The following TSGA10 variants were observed in gnomAD, a reference collection of about 807,000 sequenced individuals.
The protein encoded by TSGA10 is testis specific 10, also known as testis-specific gene 10 protein.
TSGA10 carries 43 observed loss-of-function variants against 96.6 expected under a neutral mutation model. That is an observed-to-expected ratio of 0.44 (90% CI 0.35 to 0.57). TSGA10 has a LOEUF of 0.57. Ranked by LOEUF, TSGA10 falls within the 20% of genes least tolerant of loss-of-function variation. The pLI is 0.01. For missense variants in TSGA10, 703 were observed against 834.4 expected, an observed-to-expected ratio of 0.84 and a Z score of 1.94; for synonymous variants, 229 against 269.9, an observed-to-expected ratio of 0.85 and a Z score of 1.48.
intron 16 of TSGA10, among the ~76,000 whole-genome samples, chr2:99,044,896 A>G (rs1029970115): frequency 2.0e-5 from 3 of 152,208 alleles, no homozygotes; most frequent in Admixed American, 2.0e-4. Context: ...CCGCACAACT[A>G]CATGGAAACT....
intron 17 of TSGA10, among the ~76,000 whole-genome samples, chr2:99,020,893 A>C: frequency 6.6e-6 from 1 of 150,966 alleles, no homozygotes; most frequent in South Asian, 2.1e-4. Context: ...AATCTCTTAT[A>C]TTCTTATATA....
chr2:99,018,687 G>T, intron 18 of TSGA10, 47 bp from the exon 19 acceptor site: 2 of 1,502,928 alleles, frequency 1.3e-6, no homozygotes, highest in South Asian at 1.2e-5. Flanking sequence ...CTTAAAATAT[G>T]GCTATGATTC....
chr2:99,095,827 G>A (rs1372608497), intron 10 of TSGA10, among the ~76,000 whole-genome samples: 1 of 152,214 alleles, frequency 6.6e-6, no homozygotes, highest in African/African-American at 2.4e-5. Flanking sequence ...TTTTAGTAGA[G>A]ACGGAGTTTC....
chr2:99,000,549 C>A (rs1049804667), intron 20 of TSGA10, among the ~76,000 whole-genome samples: 1 of 150,844 alleles, frequency 6.6e-6, no homozygotes, highest in Non-Finnish European at 1.5e-5. Flanking sequence ...CCAAGATGGT[C>A]GAATAGGAAG....
At chr2:99,047,436 A>G (rs913463482) in intron 16 of TSGA10, among the ~76,000 whole-genome samples, 2 of 152,222 alleles carry the variant, frequency 1.3e-5, no homozygotes, top group African/African-American at 4.8e-5. Flanking sequence ...AAATCAATAA[A>G]TGTAATCCAT....
chr2:99,141,031 T>A (rs1231493867), intron 1 of TSGA10: 27 of 1,213,498 alleles, frequency 2.2e-5, no homozygotes, highest in Non-Finnish European at 2.9e-5. Context: ...TCAGAGACCT[T>A]CCAGTCCAGT....
intron 1 of TSGA10, among the ~76,000 whole-genome samples, chr2:99,145,350 G>T (rs1019375272): frequency 2.6e-5 from 4 of 152,092 alleles, no homozygotes; most frequent in African/African-American, 9.7e-5. Context: ...TTGAGGTCAG[G>T]AGTTCAAGAC....
chr2:99,129,193 GATC>G (rs1385044094), intron 1 of TSGA10, among the ~76,000 whole-genome samples: 2 of 152,058 alleles, frequency 1.3e-5, no homozygotes, highest in African/African-American at 4.8e-5. Context: ...ACTGCATAAT[GATC>G]ATCTCTTAAT....
intron 10 of TSGA10, among the ~76,000 whole-genome samples, chr2:99,091,314 C>T (rs1287599558): frequency 6.6e-6 from 1 of 152,122 alleles, no homozygotes; most frequent in East Asian, 1.9e-4. Flanking sequence ...CAAACAGAAC[C>T]TCCTTAAAGC....
intron 4 of TSGA10, among the ~76,000 whole-genome samples, chr2:99,115,301 T>TA: frequency 6.6e-6 from 1 of 152,040 alleles, no homozygotes; most frequent in East Asian, 1.9e-4. Context: ...AATGTTACTT[T>TA]AAAAAAAGTA....
At chr2:99,073,166 T>G (rs1334423140) in intron 12 of TSGA10, 93 bp from the exon 13 acceptor site, 1 of 813,908 alleles carries the variant, frequency 1.2e-6, no homozygotes, top group Non-Finnish European at 2.0e-6. Context: ...CCTTTCCCTT[T>G]AGGTTTCCAT....
At chr2:99,044,138 A>G (rs1207651411) in intron 16 of TSGA10, among the ~76,000 whole-genome samples, 1 of 152,178 alleles carries the variant, frequency 6.6e-6, no homozygotes, top group African/African-American at 2.4e-5. Flanking sequence ...CAAAATAACC[A>G]GGTAGCATCA....
Position 99,066,533 on chromosome 2 carries a change from T to C in TSGA10, c.1219-1409A>G, listed in dbSNP as rs142130621. Among the ~76,000 whole-genome samples the C allele has an allele frequency of 7.3e-3, 1,117 of 152,276 alleles. 4 individuals are homozygous for C. The highest frequency in any genetic ancestry group is 0.018 in the Admixed American group (275 of 15,298). On this transcript the variant is annotated intron_variant, in intron 15 of 20. Transcript: ENST00000393483. ...CCTCCCTGATAACACCTTGTATTTC[T>C]CTAAAGCAGGAACCATTTTTATATT...
At chr2:99,005,276 TGGA>T (rs1023796978) in intron 20 of TSGA10, among the ~76,000 whole-genome samples, 1 of 152,212 alleles carries the variant, frequency 6.6e-6, no homozygotes, top group African/African-American at 2.4e-5. Flanking sequence ...AACATTCTGT[TGGA>T]AGTGCTGACC....
chr2:99,077,144 T>C (rs1574100498), intron 12 of TSGA10, among the ~76,000 whole-genome samples: 1 of 126,002 alleles, frequency 7.9e-6, no homozygotes, highest in African/African-American at 3.0e-5. Context: ...TTTTTTTTTT[T>C]TTTTTTTTTT....
chr2:99,142,461 A>G (rs758263414), intron 1 of TSGA10: 1 of 152,254 alleles, frequency 6.6e-6, no homozygotes, highest in Non-Finnish European at 1.5e-5. Flanking sequence ...ACTTTTGTGT[A>G]GAACAAATTT....
At chr2:99,008,839 A>G (rs2078735149) in intron 20 of TSGA10, among the ~76,000 whole-genome samples, 1 of 152,186 alleles carries the variant, frequency 6.6e-6, no homozygotes. Flanking sequence ...GTGCACCTGA[A>G]AAAAAGGACT....
rs1391512922 is a variant in TSGA10 at position 99,095,890 on chromosome 2, C to T, written c.611+8077G>A. Among the ~76,000 whole-genome samples, 7 of 152,284 alleles carry T rather than the reference C, an allele frequency of 4.6e-5. No homozygotes were observed. In the East Asian group the frequency reaches 7.7e-4, roughly 17 times the overall value. On this transcript the variant is annotated intron_variant, in intron 10 of 20. Coordinates refer to ENST00000393483, the MANE Select transcript of TSGA10 (RefSeq NM_025244.4). ...TCCTGACCTCGTGATTCACCAGCCTCGGCCTCCCAAAGTGCTGGGATTACA... is the reference window on the plus strand; with the variant it reads ...TCCTGACCTCGTGATTCACCAGCCTTGGCCTCCCAAAGTGCTGGGATTACA...
At position 99,081,376 on chromosome 2, in the gene TSGA10, TTC is replaced by T. The variant is rs2087474473; in HGVS notation, c.631_632del (p.Glu211LysfsTer5). The T allele has an allele frequency of 1.3e-6, 2 of 1,571,762 alleles. No individual in the cohort carries two copies. On this transcript the variant is annotated frameshift_variant, in exon 11 of 21. Transcript: ENST00000393483. LOFTEE classifies it high-confidence loss of function. Reference protein sequence around the residue: ...NSLRLLYENTEKDLSDTQRHL... With the variant: ...NSLRLLYENTXKDLSDTQRHL... The stretch of plus-strand genomic sequence containing the variant: ...GTCGCTGAGTATCAGAAAGATCTTT[TTC>T]TGTGTTTTCATACAAAAGTCTGCAA...
Sources: allele counts gnomAD v4.1 joint callset (sites outside exome capture counted in the v4.1 genomes callset), GRCh38; gene constraint gnomAD v4.1.1; transcripts MANE v1.5; gene names NCBI Gene and HGNC (gene_info 2026-07-23, HGNC 2026-07-21).